Variants in DNAH9 observed in about 807,000 individuals in gnomAD.
DNAH9 encodes the protein dynein axonemal heavy chain 9.
Under a neutral mutation model 471.6 loss-of-function variants are expected in DNAH9, and 345 were observed. That is an observed-to-expected ratio of 0.73 (90% confidence interval 0.67 to 0.80). DNAH9 has a LOEUF of 0.80. Among genes scored for constraint, DNAH9 ranks in the 30% least tolerant of loss-of-function variants. DNAH9 has a pLI of 0.00. For synonymous variants in DNAH9, 2,093 were observed against 2,123.6 expected (o/e 0.99, Z 0.40); for missense variants, 5,407 against 5,609.2 (o/e 0.96, Z 1.15).
At chr17:11,826,455 G>GTTTTTTTT in intron 48 of DNAH9, among the ~76,000 whole-genome samples, 1 of 78,982 alleles carries the variant, frequency 1.3e-5, no homozygotes, top group East Asian at 4.1e-4. Flanking sequence ...CTTTTTCTTG[G>GTTTTTTTT]TTTTTTTTTT....
intron 25 of DNAH9, among the ~76,000 whole-genome samples, 158 bp from the exon 26 acceptor site, chr17:11,704,867 A>G (rs1174300516): frequency 6.6e-6 from 1 of 152,068 alleles, no homozygotes. Flanking sequence ...GAACCCTGTA[A>G]TCAGAGCAGC....
chr17:11,822,586 CA>C lies in DNAH9; in HGVS notation c.9000del (p.Glu3001ArgfsTer7), dbSNP rs1970346754. The C allele has an allele frequency of 1.9e-6, 3 of 1,614,064 alleles. No individual in the cohort carries two copies. The South Asian group carries it at 3.3e-5, about 18-fold the overall frequency. ...ESVSLRFLQN[T>X]EGIEPTVKQS... is the part of the protein sequence containing the mutation. ...GTCAGCCTCCGCTTCTTGCAGAACA[CA>C]GAGGGCATTGAGGTGAGAGAGAAAA... is the stretch of plus-strand genomic sequence containing the variant. On this transcript the variant is annotated frameshift_variant, in exon 47 of 69. Coordinates refer to ENST00000262442, the MANE Select transcript of DNAH9 (RefSeq NM_001372.4). LOFTEE classifies it high-confidence loss of function.
intron 36 of DNAH9, among the ~76,000 whole-genome samples, chr17:11,765,039 G>C (rs1330291012): frequency 6.6e-6 from 1 of 152,178 alleles, no homozygotes; most frequent in African/African-American, 2.4e-5. Flanking sequence ...ATTATCTGGG[G>C]AACGTTAGGA....
At chr17:11,616,818 C>T (rs2072756491) in intron 4 of DNAH9, among the ~76,000 whole-genome samples, 2 of 152,186 alleles carry the variant, frequency 1.3e-5, no homozygotes. Flanking sequence ...TGGGGAACAT[C>T]ACACATCTGT....
intron 48 of DNAH9, among the ~76,000 whole-genome samples, chr17:11,833,400 T>C (rs185368810): frequency 3.3e-5 from 5 of 152,354 alleles, no homozygotes; most frequent in African/African-American, 9.6e-5. Flanking sequence ...TCAGCCACCA[T>C]TACTTGTGCT....
At chr17:11,680,682 A>G (rs369252911) in intron 18 of DNAH9, 41 bp from the exon 19 acceptor site, 26 of 1,590,236 alleles carry the variant, frequency 1.6e-5, no homozygotes, top group Non-Finnish European at 2.2e-5. Flanking sequence ...GAGAGGAAAG[A>G]GCACCTTGGG....
chr17:11,767,766 A>G (rs1035205607), intron 36 of DNAH9, among the ~76,000 whole-genome samples: 2 of 152,044 alleles, frequency 1.3e-5, no homozygotes, highest in African/African-American at 4.8e-5. Context: ...CCCCATGCGT[A>G]AGGGGCCCAT....
chr17:11,633,621 A>G (rs1448511045), intron 8 of DNAH9, among the ~76,000 whole-genome samples: 3 of 152,192 alleles, frequency 2.0e-5, no homozygotes, highest in Non-Finnish European at 4.4e-5. Context: ...GCCTTTTGAG[A>G]TTCCCCTCTC....
intron 59 of DNAH9, among the ~76,000 whole-genome samples, chr17:11,901,059 C>A (rs1397972330): frequency 6.6e-6 from 1 of 152,176 alleles, no homozygotes; most frequent in Non-Finnish European, 1.5e-5. Flanking sequence ...AGCAAAGGAG[C>A]TCCCAAGCAG....
chr17:11,876,355 A>G (rs1567868274), intron 53 of DNAH9, among the ~76,000 whole-genome samples: 1 of 152,208 alleles, frequency 6.6e-6, no homozygotes, highest in Non-Finnish European at 1.5e-5. Context: ...TATGCATAGC[A>G]TCCCTGTATC....
rs772604572 is a variant in DNAH9, at chr17:11,680,125, G to C, written c.3576+146G>C. The C allele has an allele frequency of 3.8e-4, 241 of 642,654 alleles. 2 individuals carry two copies. The highest frequency in any genetic ancestry group is 4.2e-4 in the Middle Eastern group (1 of 2,358). The allele number at this position is 642,654 out of a possible 1,614,324, so 39.8% of individuals were successfully genotyped here. ...TGGAACTATAATGTGTAGCGTATTT[G>C]TAACATCTAGCAAATTCTGGAAACT... On this transcript the variant is annotated intron_variant, in intron 18 of 68. Coordinates refer to ENST00000262442, the MANE Select transcript of DNAH9 (RefSeq NM_001372.4).
chr17:11,961,272 A>C (rs2151451838), intron 67 of DNAH9, among the ~76,000 whole-genome samples: 1 of 152,192 alleles, frequency 6.6e-6, no homozygotes, highest in East Asian at 1.9e-4. Flanking sequence ...CAGAGATTGC[A>C]CCACTGCACT....
At chr17:11,599,479 A>C (rs1238317851) in intron 1 of DNAH9, among the ~76,000 whole-genome samples, 1 of 152,162 alleles carries the variant, frequency 6.6e-6, no homozygotes, top group Non-Finnish European at 1.5e-5. Context: ...TCATTCATTC[A>C]TTACCAACCA....
chr17:11,867,113 C>T lies in DNAH9; in HGVS notation c.9934-2021C>T, dbSNP rs141719361. On this transcript the variant is annotated intron_variant, in intron 50 of 68. Coordinates refer to ENST00000262442, the MANE Select transcript of DNAH9 (RefSeq NM_001372.4). ...TGCAGAAATCACCCGTCTTCTGCGT[C>T]GCTAACGCTGGGAGCTGGAGACCAG... is the stretch of plus-strand genomic sequence containing the variant. Among the ~76,000 whole-genome samples, 605 of 152,352 alleles carry T rather than the reference C, an allele frequency of 4.0e-3. 2 individuals are homozygous for T. The highest frequency in any genetic ancestry group is 0.014 in the African/African-American group (581 of 41,588).
At chr17:11,762,765 TTTTTG>T (rs1967742771) in intron 35 of DNAH9, among the ~76,000 whole-genome samples, 11 of 94,628 alleles carry the variant, frequency 1.2e-4, no homozygotes, top group East Asian at 5.3e-4. Context: ...TGCGTTTTTT[TTTTTG>T]TTTTTTTTTT....
At chr17:11,714,717 C>G (rs1007512432) in intron 26 of DNAH9, among the ~76,000 whole-genome samples, 6 of 152,134 alleles carry the variant, frequency 3.9e-5, no homozygotes, top group African/African-American at 1.4e-4. Context: ...CCCCAGCCAG[C>G]AGAAGGGGAA....
chr17:11,956,915 AAAT>A (rs1442733440), intron 67 of DNAH9, among the ~76,000 whole-genome samples: 1 of 151,808 alleles, frequency 6.6e-6, no homozygotes, highest in Non-Finnish European at 1.5e-5. Flanking sequence ...AAAATGAAGG[AAAT>A]AATAAAGAGT....
intron 43 of DNAH9, among the ~76,000 whole-genome samples, chr17:11,800,736 A>G (rs1350615717): frequency 6.6e-6 from 1 of 152,074 alleles, no homozygotes; most frequent in African/African-American, 2.4e-5. Context: ...ATATTACATG[A>G]CGCCCCTGTG....
intron 61 of DNAH9, among the ~76,000 whole-genome samples, chr17:11,918,999 A>C (rs754289974): frequency 1.3e-5 from 2 of 151,990 alleles, no homozygotes; most frequent in Non-Finnish European, 2.9e-5. Context: ...AAAATAAAAT[A>C]ATAATAATTT....
Sources: allele counts gnomAD v4.1 joint callset (sites outside exome capture counted in the v4.1 genomes callset), GRCh38; gene constraint gnomAD v4.1.1; transcripts MANE v1.5; gene names NCBI Gene and HGNC (gene_info 2026-07-23, HGNC 2026-07-21).